The following RDH8 variants were observed in gnomAD, a reference collection of about 807,000 sequenced individuals.
The protein encoded by RDH8 is retinol dehydrogenase 8.
RDH8 carries 14 observed loss-of-function variants against 22.3 expected under a neutral mutation model. That is an observed-to-expected ratio of 0.63 (90% confidence interval 0.42 to 0.98). The LOEUF (loss-of-function observed/expected upper bound fraction) is 0.98, where lower values mean the gene tolerates loss of function less well. Among genes scored for constraint, RDH8 ranks in the 50% least tolerant of loss-of-function variants. The probability of loss-of-function intolerance (pLI) is 0.00; values close to 1 mark genes in which losing one functional copy is unlikely to be tolerated. For missense variants in RDH8, 389 were observed against 409.8 expected (o/e 0.95, Z 0.44); for synonymous variants, 175 against 171.7 (o/e 1.02, Z -0.15).
In RDH8 at chr19:10,021,339, C is replaced by T. The variant is rs141655853; in HGVS notation, c.621C>T (p.Gly207=). 1.2e-5 allele frequency: 20 copies of T among 1,613,900 alleles called. No individual in the cohort carries two copies. The highest frequency in any genetic ancestry group is 1.2e-4 in the African/African-American group (9 of 74,856). The change falls in exon 5 of 6, where the codon GGC becomes GGT. Residue 207 remains glycine (G), a synonymous_variant. Coordinates refer to ENST00000591589, the MANE Select transcript of RDH8 (RefSeq NM_015725.4). The part of the protein sequence containing the change: ...LAQVSMAEFP[G]TDPETLHYFR... The stretch of plus-strand genomic sequence containing the variant: ...AGGTTTCTATGGCTGAGTTCCCAGG[C>T]ACTGACCCTGAGACCCTGCACTACT...
chr19:10,020,605 C>G, intron 3 of RDH8, 104 bp from the exon 4 acceptor site: 3 of 707,070 alleles, frequency 4.2e-6, no homozygotes. Context: ...TTCTCTGGTT[C>G]CCACATCCTC....
In RDH8 at chr19:10,022,061, AAG is replaced by A. The variant is rs3217240; in HGVS notation, c.*316_*317del. The stretch of plus-strand genomic sequence containing the variant: ...GCGGCATTGTTATGAGCCTTGAAGG[AAG>A]AGACAGACTCTGCTACATTCAACCT... On this transcript the variant is annotated 3_prime_UTR_variant, in exon 6 of 6. Coordinates refer to ENST00000591589, the MANE Select transcript of RDH8 (RefSeq NM_015725.4). The A allele has an allele frequency of 0.39, 134,631 of 348,410 alleles. 28,283 individuals are homozygous for A. The highest frequency in any genetic ancestry group is 0.54 in the African/African-American group (25,657 of 47,426). 21.6% of individuals were successfully genotyped at this position (348,410 alleles called of 1,614,324 possible).
At chr19:10,013,695 G>T in intron 1 of RDH8, 95 bp downstream of exon 1, 3 of 1,328,344 alleles carry the variant, frequency 2.3e-6, no homozygotes, top group South Asian at 2.5e-5. Flanking sequence ...GCACTTGTGG[G>T]CTTGGGGAGA....
At position 10,021,629 on chromosome 19, in the gene RDH8, C is replaced by G. The variant is rs374797825; in HGVS notation, c.816C>G (p.Ser272=). 2 of 1,613,604 alleles carry G rather than the reference C, an allele frequency of 1.2e-6. No individual in the cohort carries two copies. ...SPLTTLKTVD[S]SGSLYVRTTH... is the part of the protein sequence containing the mutation. ...TGACCACGCTCAAAACCGTGGATTC[C>G]TCTGGCAGCCTGTATGTGCGAACGA... Residue 272 remains serine, a synonymous_variant, in exon 6 of 6, where the codon TCC becomes TCG. Coordinates refer to ENST00000591589, the MANE Select transcript of RDH8 (RefSeq NM_015725.4).
intron 2 of RDH8, among the ~76,000 whole-genome samples, chr19:10,017,430 G>A (rs1200201779): frequency 1.3e-5 from 2 of 152,112 alleles, no homozygotes. Flanking sequence ...TGTAATCCTA[G>A]CACTTTGGGA....
At chr19:10,014,872 A>T (rs2087598131) in intron 1 of RDH8, among the ~76,000 whole-genome samples, 1 of 152,220 alleles carries the variant, frequency 6.6e-6, no homozygotes, top group Admixed American at 6.5e-5. Context: ...TAAGGTGCAG[A>T]CTGTGAAAGG....
intron 1 of RDH8, among the ~76,000 whole-genome samples, chr19:10,014,275 G>A (rs1376662695): frequency 6.6e-6 from 1 of 152,182 alleles, no homozygotes; most frequent in African/African-American, 2.4e-5. Flanking sequence ...GCCCCAGTTG[G>A]CAGGGCTGCT....
At chr19:10,016,910 CTTG>C (rs1484581054) in intron 1 of RDH8, 144 bp from the exon 2 acceptor site, 8 of 817,716 alleles carry the variant, frequency 9.8e-6, no homozygotes, top group African/African-American at 8.6e-5. Flanking sequence ...CAAGTGTGCA[CTTG>C]TTGGCTGAGT....
intron 4 of RDH8, 82 bp downstream of exon 4, chr19:10,020,884 C>T (rs775685688): frequency 2.6e-5 from 27 of 1,049,700 alleles, no homozygotes; most frequent in Non-Finnish European, 3.7e-5. Context: ...GAGATGAAGA[C>T]AATGAAGCTG....
chr19:10,020,798 AT>A lies in RDH8; in HGVS notation c.533del (p.Ile178ThrfsTer87). ...CGCTATCCAGCTGCTGCAGTTCAACATCTTGTGAGGCGGGCACGTGGGCAGA... is the reference window on the plus strand; with the variant it reads ...CGCTATCCAGCTGCTGCAGTTCAACACTTGTGAGGCGGGCACGTGGGCAGA... Reference protein sequence around the residue: ...SLAIQLLQFNIFISLVEPGPV... With the variant: ...SLAIQLLQFNXFISLVEPGPV... On this transcript the variant is annotated frameshift_variant, in exon 4 of 6. Transcript: ENST00000591589. LOFTEE classifies it high-confidence loss of function. 6.2e-7 allele frequency: 1 copy of A among 1,607,108 alleles called. No homozygotes were observed. Among genetic ancestry groups the A allele is most frequent in the East Asian group, 2.2e-5 (1 of 44,862 alleles).
Position 10,021,298 on chromosome 19 carries a change from G to T in RDH8, c.580G>T (p.Gly194Trp), listed in dbSNP as rs754819561. Residue 194 changes from glycine (G) to tryptophan (W), a missense_variant, in exon 5 of 6, where the codon GGG becomes TGG. Gly to Trp is a radical substitution (Grantham distance 184). Transcript: ENST00000591589. Reference protein sequence around the residue: ...EPGPVVTEFEGKLLAQVSMAE... With the variant: ...EPGPVVTEFEWKLLAQVSMAE... ...AGGCCCCGTGGTCACCGAGTTTGAG[G>T]GGAAGCTTCTGGCGCAGGTTTCTAT... 1.2e-6 allele frequency: 2 copies of T among 1,614,004 alleles called. No homozygotes were observed. Among genetic ancestry groups the T allele is most frequent in the Admixed American group, 3.3e-5 (2 of 59,988 alleles).
chr19:10,018,657 C>G (rs1317023260), intron 2 of RDH8, 74 bp from the exon 3 acceptor site: 40 of 1,261,558 alleles, frequency 3.2e-5, no homozygotes, highest in Non-Finnish European at 4.2e-5. Flanking sequence ...GGGTGAGGTG[C>G]TTCAGGGAGT....
At chr19:10,015,652 AG>A (rs1401182184) in intron 1 of RDH8, among the ~76,000 whole-genome samples, 14 of 151,656 alleles carry the variant, frequency 9.2e-5, no homozygotes, top group Middle Eastern at 3.4e-3. Flanking sequence ...AGGGCATAAA[AG>A]CTTGGCCAGG....
intron 1 of RDH8, among the ~76,000 whole-genome samples, chr19:10,015,628 C>CA (rs576203480): frequency 0.13 from 15,883 of 120,254 alleles, 1,067 homozygotes; most frequent in South Asian, 0.22. Context: ...GACTCCGTCT[C>CA]AAAAAAAAAA....
At position 10,021,754 on chromosome 19, in the gene RDH8, A is replaced by C; in HGVS notation, c.*5A>C. Reference sequence around the variant, plus strand: ...ACGCGGGTGCGGCCAAGATGAGCAGAACAGAGCTTCACGATCCCCATCCCT... The same window carrying C: ...ACGCGGGTGCGGCCAAGATGAGCAGCACAGAGCTTCACGATCCCCATCCCT... On this transcript the variant is annotated 3_prime_UTR_variant, in exon 6 of 6. Coordinates refer to ENST00000591589, the MANE Select transcript of RDH8 (RefSeq NM_015725.4). 6.2e-7 allele frequency: 1 copy of C among 1,612,838 alleles called. No homozygotes were observed. The highest frequency in any genetic ancestry group is 8.5e-7 in the Non-Finnish European group (1 of 1,179,740).
rs1599245054 is a variant in RDH8 at position 10,021,728 on chromosome 19, A to G, written c.915A>G (p.Pro305=). 1 of 1,613,640 alleles carries G rather than the reference A, an allele frequency of 6.2e-7. No homozygotes were observed. The highest frequency in any genetic ancestry group is 1.3e-5 in the African/African-American group (1 of 74,888). ...AATGTCTGTCCTGCGGCTGCCTCCCAACGCGGGTGCGGCCAAGATGAGCAG... is the reference window on the plus strand; with the variant it reads ...AATGTCTGTCCTGCGGCTGCCTCCCGACGCGGGTGCGGCCAAGATGAGCAG... ...GLQCLSCGCL[P]TRVRPR Residue 305 remains proline (P), a synonymous_variant, in exon 6 of 6, where the codon CCA becomes CCG. Transcript: ENST00000591589.
In RDH8 at chr19:10,016,997, C is replaced by T. The variant is rs377455088; in HGVS notation, c.104-60C>T. 639 of 1,422,666 alleles carry T rather than the reference C, an allele frequency of 4.5e-4. 8 individuals are homozygous for T. In the South Asian group the frequency reaches 7.8e-3, roughly 17 times the overall value. The allele number at this position is 1,422,666 out of a possible 1,614,324, so 88.1% of individuals were successfully genotyped here. On this transcript the variant is annotated intron_variant, in intron 1 of 5. Coordinates refer to ENST00000591589, the MANE Select transcript of RDH8 (RefSeq NM_015725.4). Reference sequence around the variant, plus strand: ...GTAACGCAAGATCACAGACACGTGGCGCCCACACCAAGGGGAAAGGAGCTC... The same window carrying T: ...GTAACGCAAGATCACAGACACGTGGTGCCCACACCAAGGGGAAAGGAGCTC...
chr19:10,019,099 C>A (rs1355019626), intron 3 of RDH8, among the ~76,000 whole-genome samples, 189 bp downstream of exon 3: 1 of 152,042 alleles, frequency 6.6e-6, no homozygotes, highest in Non-Finnish European at 1.5e-5. Context: ...GAGTTTGAGA[C>A]CAGCCTGGGC....
intron 3 of RDH8, among the ~76,000 whole-genome samples, chr19:10,019,939 G>C (rs2145168439): frequency 6.6e-6 from 1 of 152,184 alleles, no homozygotes; most frequent in Admixed American, 6.5e-5. Flanking sequence ...TCAGGAGTTG[G>C]AGACCAGAAT....
Sources: allele counts gnomAD v4.1 joint callset (sites outside exome capture counted in the v4.1 genomes callset), GRCh38; gene constraint gnomAD v4.1.1; transcripts MANE v1.5; gene names NCBI Gene and HGNC (gene_info 2026-07-23, HGNC 2026-07-21).